Variants in ECHDC1 observed in about 807,000 individuals in gnomAD.
ECHDC1 encodes the protein ethylmalonyl-CoA decarboxylase.
ECHDC1 carries 29 observed loss-of-function variants against 29.7 expected under a neutral mutation model. The observed-to-expected ratio is 0.98, with a 90% CI of 0.73 to 1.33. The LOEUF (loss-of-function observed/expected upper bound fraction) is 1.33. Ranked by LOEUF, ECHDC1 falls within the 40% of genes most tolerant of loss-of-function variation. ECHDC1 has a pLI of 0.00. For missense variants in ECHDC1, 328 were observed against 350.0 expected, an observed-to-expected ratio of 0.94 and a Z score of 0.50; for synonymous variants, 126 against 123.1, an observed-to-expected ratio of 1.02 and a Z score of -0.15.
intron 5 of ECHDC1, among the ~76,000 whole-genome samples, chr6:127,302,922 G>T (rs909649486): frequency 6.6e-6 from 1 of 152,040 alleles, no homozygotes; most frequent in Non-Finnish European, 1.5e-5. Flanking sequence ...AATGCAATCT[G>T]CACTGATGAC....
intron 3 of ECHDC1, among the ~76,000 whole-genome samples, chr6:127,323,039 T>C (rs539029585): frequency 6.6e-6 from 1 of 152,262 alleles, no homozygotes; most frequent in Non-Finnish European, 1.5e-5. Context: ...CCTGATCTCA[T>C]GTACACAAAC....
chr6:127,330,057 C>T (rs1783779731), intron 2 of ECHDC1, among the ~76,000 whole-genome samples: 1 of 152,148 alleles, frequency 6.6e-6, no homozygotes, highest in Non-Finnish European at 1.5e-5. Flanking sequence ...AGATTATAAT[C>T]ATGAAGTGCA....
rs908264952 is a variant in ECHDC1 at position 127,298,881 on chromosome 6, T to A, written c.498-8604A>T. On this transcript the variant is annotated intron_variant, in intron 5 of 5. Coordinates refer to ENST00000454859, the MANE Select transcript of ECHDC1 (RefSeq NM_001002030.2). ...GGTTCGGGTATTTACTGTACTATAT[T>A]TTTTTTTTTTTTGAGAAAGGGTCTC... Among the ~76,000 whole-genome samples, 172 of 147,254 alleles carry A rather than the reference T, an allele frequency of 1.2e-3. 2 individuals carry two copies. The highest frequency in any genetic ancestry group is 3.6e-3 in the African/African-American group (146 of 40,436).
At chr6:127,327,179 T>C in intron 2 of ECHDC1, 35 bp from the exon 3 acceptor site, 1 of 1,600,162 alleles carries the variant, frequency 6.2e-7, no homozygotes, top group Non-Finnish European at 8.5e-7. Context: ...CACAAATATA[T>C]GAAGGTGACT....
intron 3 of ECHDC1, among the ~76,000 whole-genome samples, chr6:127,321,291 T>G (rs1306882727): frequency 6.6e-6 from 1 of 152,200 alleles, no homozygotes; most frequent in East Asian, 1.9e-4. Flanking sequence ...ACAGACAAAC[T>G]GTTTATAACT....
At chr6:127,337,041 C>A (rs529381081) in intron 1 of ECHDC1, among the ~76,000 whole-genome samples, 1 of 152,130 alleles carries the variant, frequency 6.6e-6, no homozygotes, top group Non-Finnish European at 1.5e-5. Flanking sequence ...GCCCTACAAA[C>A]CATAAATTCT....
chr6:127,331,794 C>T, intron 1 of ECHDC1: 1 of 981,666 alleles, frequency 1.0e-6, no homozygotes, highest in Non-Finnish European at 1.2e-6. Flanking sequence ...CAATCCCACT[C>T]TCTAACAGAA....
rs1466811998 is a variant in ECHDC1 at position 127,330,883 on chromosome 6, A to G, written c.146T>C (p.Ile49Thr). 5 of 1,614,018 alleles carry G rather than the reference A, an allele frequency of 3.1e-6. No homozygotes were observed. The highest frequency in any genetic ancestry group is 1.3e-5 in the African/African-American group (1 of 74,934). Residue 49 changes from isoleucine to threonine, a missense_variant, in exon 2 of 6, where the codon ATT becomes ACT. Transcript: ENST00000454859. Reference protein sequence around the residue: ...KTLQQFPGGSIDLQKEDNGIG... With the variant: ...KTLQQFPGGSTDLQKEDNGIG... Reference sequence around the variant, plus strand: ...GCCATTGTCTTCCTTCTGAAGGTCAATGGATCCACCAGGAAACTGCTGAAG... The same window carrying G: ...GCCATTGTCTTCCTTCTGAAGGTCAGTGGATCCACCAGGAAACTGCTGAAG...
chr6:127,311,242 A>G (rs1781876198), intron 5 of ECHDC1, among the ~76,000 whole-genome samples: 1 of 152,216 alleles, frequency 6.6e-6, no homozygotes, highest in Non-Finnish European at 1.5e-5. Flanking sequence ...AAACACTCCA[A>G]TTAAAAGGCA....
chr6:127,329,902 G>A, intron 2 of ECHDC1: 1 of 455,132 alleles, frequency 2.2e-6, no homozygotes, highest in Admixed American at 2.4e-5. Flanking sequence ...GGAGAGAAAA[G>A]TCATCTTGGG....
intron 5 of ECHDC1, among the ~76,000 whole-genome samples, chr6:127,291,194 C>G (rs1366611423): frequency 6.6e-6 from 1 of 151,060 alleles, no homozygotes; most frequent in Admixed American, 6.6e-5. Flanking sequence ...TCAACCAAAG[C>G]ATTAACATCT....
chr6:127,314,131 C>G (rs1437900105), intron 5 of ECHDC1, among the ~76,000 whole-genome samples: 1 of 152,146 alleles, frequency 6.6e-6, no homozygotes, highest in Non-Finnish European at 1.5e-5. Flanking sequence ...TGAACCTGTA[C>G]AGATAACTCA....
In ECHDC1 at chr6:127,334,965, C is replaced by T. The variant is rs369284251; in HGVS notation, c.-2-3935G>A. Among the ~76,000 whole-genome samples, 6 of 152,148 alleles carry T rather than the reference C, an allele frequency of 3.9e-5. No individual in the cohort carries two copies. The East Asian group carries it at 9.6e-4, about 24-fold the overall frequency. On this transcript the variant is annotated intron_variant, in intron 1 of 5. Transcript: ENST00000454859. ...ACATACTTTGTGTCACTAGTGGCTA[C>T]AGTACTTAATACATAAAAGGTACTT...
intron 3 of ECHDC1, among the ~76,000 whole-genome samples, chr6:127,321,904 G>A (rs1782857467): frequency 6.6e-6 from 1 of 152,106 alleles, no homozygotes; most frequent in Non-Finnish European, 1.5e-5. Context: ...TTGGGAGGCT[G>A]AGGCAGGAAA....
Position 127,311,562 on chromosome 6 carries a change from C to T in ECHDC1, c.497+3254G>A, listed in dbSNP as rs538117630. Among the ~76,000 whole-genome samples, 6 of 148,486 alleles carry T rather than the reference C, an allele frequency of 4.0e-5. No individual in the cohort carries two copies. In the East Asian group the frequency reaches 1.2e-3, roughly 30 times the overall value. ...TGGTGGCAGGCGCCTGTAATCGCAG[C>T]TACTAGGAGGCTGAGGCAGGAGAAT... is the stretch of plus-strand genomic sequence containing the variant. On this transcript the variant is annotated intron_variant, in intron 5 of 5. Transcript: ENST00000454859.
intron 1 of ECHDC1, among the ~76,000 whole-genome samples, chr6:127,339,279 G>T (rs918662644): frequency 6.8e-6 from 1 of 147,208 alleles, no homozygotes; most frequent in African/African-American, 2.5e-5. Flanking sequence ...TAACAGAAAG[G>T]TACATACGAG....
chr6:127,294,024 T>C (rs1210579160), intron 5 of ECHDC1, among the ~76,000 whole-genome samples: 2 of 152,212 alleles, frequency 1.3e-5, no homozygotes, highest in African/African-American at 2.4e-5. Context: ...ACAGATATGG[T>C]TGAAGCAGAA....
At chr6:127,312,381 G>A (rs994104449) in intron 5 of ECHDC1, among the ~76,000 whole-genome samples, 4 of 152,104 alleles carry the variant, frequency 2.6e-5, no homozygotes, top group African/African-American at 9.7e-5. Context: ...TCTCACAATG[G>A]TTCCCACCCG....
chr6:127,312,149 C>A (rs1781997712), intron 5 of ECHDC1, among the ~76,000 whole-genome samples: 1 of 152,020 alleles, frequency 6.6e-6, no homozygotes, highest in African/African-American at 2.4e-5. Context: ...TAGACATAGA[C>A]ACACGAGCAT....
Sources: allele counts gnomAD v4.1 joint callset (sites outside exome capture counted in the v4.1 genomes callset), GRCh38; gene constraint gnomAD v4.1.1; transcripts MANE v1.5; gene names NCBI Gene and HGNC (gene_info 2026-07-23, HGNC 2026-07-21).